Variants in RND3 observed in about 807,000 individuals in gnomAD.
The protein encoded by RND3 is rho-related GTP-binding protein RhoE.
RND3 carries 8 observed loss-of-function variants against 26.5 expected under a neutral mutation model. That is an observed-to-expected ratio of 0.30 (90% CI 0.18 to 0.54). RND3 has a LOEUF of 0.54. Among genes scored for constraint, RND3 ranks in the 20% least tolerant of loss-of-function variants. The probability of loss-of-function intolerance (pLI) is 0.94; values close to 1 mark genes in which losing one functional copy is unlikely to be tolerated. For synonymous variants in RND3, 113 were observed against 113.0 expected, an observed-to-expected ratio of 1.00 and a Z score of 0.00; for missense variants, 207 against 302.8, an observed-to-expected ratio of 0.68 and a Z score of 2.35.
rs1299290060 is a variant in RND3, at chr2:150,469,897, T to C, written c.*90A>G. 2.0e-6 allele frequency: 3 copies of C among 1,468,562 alleles called. No individual in the cohort carries two copies. Among genetic ancestry groups the C allele is most frequent in the East Asian group, 4.6e-5 (2 of 43,506 alleles). 91.0% of individuals were successfully genotyped at this position (1,468,562 alleles called of 1,614,324 possible). ...CCTAAGCCTCTGGTATACATGACTT[T>C]GGCTGTGCACTTCATTTAGACTTCA... On this transcript the variant is annotated 3_prime_UTR_variant, in exon 6 of 6. Coordinates refer to ENST00000263895, the MANE Select transcript of RND3 (RefSeq NM_005168.5).
chr2:150,484,688 T>C (rs924647581), intron 3 of RND3, among the ~76,000 whole-genome samples: 4 of 152,098 alleles, frequency 2.6e-5, no homozygotes, highest in African/African-American at 9.7e-5. Flanking sequence ...AGCCAAGAAG[T>C]GTACAGCTGG....
chr2:150,478,385 G>A (rs758417389), intron 3 of RND3, among the ~76,000 whole-genome samples: 12 of 151,504 alleles, frequency 7.9e-5, no homozygotes, highest in East Asian at 5.8e-4. Context: ...ACAGGTATGC[G>A]TGAGACAACG....
Position 150,486,667 on chromosome 2 carries a change from A to T in RND3, c.238+27T>A, listed in dbSNP as rs748407491. ...CCCCAGCGACTGGAAACCCGCCCCA[A>T]GCGCCACGCGGTCCTCCCACTCTTA... On this transcript the variant is annotated intron_variant, in intron 3 of 5. Coordinates refer to ENST00000263895, the MANE Select transcript of RND3 (RefSeq NM_005168.5). The surrounding 1 kb of genome is among the most constrained non-coding windows in gnomAD (Gnocchi z 4.5). The T allele has an allele frequency of 6.5e-7, 1 of 1,531,346 alleles. No individual in the cohort carries two copies. Among genetic ancestry groups the T allele is most frequent in the Non-Finnish European group, 9.1e-7 (1 of 1,104,550 alleles). The allele number at this position is 1,531,346 out of a possible 1,614,324, so 94.9% of individuals were successfully genotyped here.
At chr2:150,476,431 G>C (rs1262075818) in intron 3 of RND3, among the ~76,000 whole-genome samples, 1 of 152,200 alleles carries the variant, frequency 6.6e-6, no homozygotes, top group East Asian at 1.9e-4. Flanking sequence ...TGGAACCCCA[G>C]GCAACAGTGC....
chr2:150,479,773 T>C (rs1354249578), intron 3 of RND3, among the ~76,000 whole-genome samples: 1 of 152,224 alleles, frequency 6.6e-6, no homozygotes, highest in East Asian at 1.9e-4. Flanking sequence ...TGTATCTGAC[T>C]CAGTGTAAGA....
At chr2:150,483,768 A>T (rs754174277) in intron 3 of RND3, among the ~76,000 whole-genome samples, 37 of 152,256 alleles carry the variant, frequency 2.4e-4, no homozygotes, top group Non-Finnish European at 4.8e-4. Flanking sequence ...GGCTATTCTT[A>T]GAATTTAAGT....
intron 2 of RND3, chr2:150,487,048 A>C: frequency 1.7e-6 from 1 of 604,728 alleles, no homozygotes; most frequent in Non-Finnish European, 2.9e-6. Flanking sequence ...TTCAGGAGCT[A>C]ACCAGCCCAT....
At chr2:150,476,848 G>A (rs1057487955) in intron 3 of RND3, among the ~76,000 whole-genome samples, 1 of 152,166 alleles carries the variant, frequency 6.6e-6, no homozygotes, top group Non-Finnish European at 1.5e-5. Context: ...AAACGAGATG[G>A]TTGAACACTA....
rs1339173518 is a variant in RND3 at position 150,486,767 on chromosome 2, T to C, written c.165A>G (p.Thr55=). 1.2e-6 allele frequency: 2 copies of C among 1,612,508 alleles called. No homozygotes were observed. Among genetic ancestry groups the C allele is most frequent in the Admixed American group, 1.7e-5 (1 of 60,022 alleles). ...KDCFPENYVP[T]VFENYTASFE... is the part of the protein sequence containing the mutation. ...AACTGGCCGTGTAATTCTCAAACAC[T>C]GTAGGAACGTAATTCTGGATAGACA... The change falls in exon 3 of 6, where the codon ACA becomes ACG. Residue 55 remains threonine (T), a synonymous_variant. Coordinates refer to ENST00000263895, the MANE Select transcript of RND3 (RefSeq NM_005168.5). This position sits in a 1 kb window ranked among gnomAD's most constrained non-coding sequence, Gnocchi z 4.5.
chr2:150,476,455 G>GCT (rs1338945986), intron 3 of RND3, among the ~76,000 whole-genome samples: 11 of 152,202 alleles, frequency 7.2e-5, no homozygotes, highest in African/African-American at 2.7e-4. Flanking sequence ...TTTTTCTCTA[G>GCT]CTCCTTTACG....
chr2:150,475,614 T>C (rs1285648362), intron 3 of RND3, among the ~76,000 whole-genome samples: 1 of 152,034 alleles, frequency 6.6e-6, no homozygotes, highest in Non-Finnish European at 1.5e-5. Flanking sequence ...AGAGGAAGGG[T>C]TCAACTATGC....
At chr2:150,475,933 T>G (rs1253056823) in intron 3 of RND3, among the ~76,000 whole-genome samples, 5 of 152,224 alleles carry the variant, frequency 3.3e-5, no homozygotes, top group Non-Finnish European at 7.3e-5. Flanking sequence ...GTTTCTTCTA[T>G]TTCTTTAAGA....
intron 3 of RND3, among the ~76,000 whole-genome samples, chr2:150,478,458 A>G (rs1331895577): frequency 3.3e-5 from 5 of 151,768 alleles, no homozygotes; most frequent in Non-Finnish European, 7.4e-5. Context: ...AGCAATAAAG[A>G]GGGGCAGAAA....
At position 150,472,084 on chromosome 2, in the gene RND3, A is replaced by G. The variant is rs75653774; in HGVS notation, c.349-323T>C. 210 of 266,864 alleles carry G rather than the reference A, an allele frequency of 7.9e-4. 1 individual carries two copies. The East Asian group carries it at 9.9e-3, about 13-fold the overall frequency. 16.5% of individuals were successfully genotyped at this position (266,864 alleles called of 1,614,324 possible). A position where few individuals can be genotyped will look rare whatever the true frequency, so the allele number is the denominator to read the frequency against. Reference sequence around the variant, plus strand: ...TGTCTTAATTATTGGTGTGTCTCTTAAAGATAAATGTGTCTTAAGAATAAT... The same window carrying G: ...TGTCTTAATTATTGGTGTGTCTCTTGAAGATAAATGTGTCTTAAGAATAAT... On this transcript the variant is annotated intron_variant, in intron 4 of 5. Coordinates refer to ENST00000263895, the MANE Select transcript of RND3 (RefSeq NM_005168.5).
At chr2:150,485,471 C>T (rs964675866) in intron 3 of RND3, 2 of 152,424 alleles carry the variant, frequency 1.3e-5, no homozygotes, top group Admixed American at 6.5e-5. Context: ...CCCCGCCTAA[C>T]AGCAAACCTG....
At chr2:150,485,683 T>C (rs1014851464) in intron 3 of RND3, among the ~76,000 whole-genome samples, 1 of 152,052 alleles carries the variant, frequency 6.6e-6, no homozygotes. Flanking sequence ...GGCGGGTGCC[T>C]ATGTCCCAGC....
Position 150,487,474 on chromosome 2 carries a change from AATAT to A in RND3, c.-38-23_-38-20del, listed in dbSNP as rs1209384148. 6.7e-5 allele frequency: 13 copies of A among 195,408 alleles called. No homozygotes were observed. The highest frequency in any genetic ancestry group is 1.5e-4 in the South Asian group (1 of 6,610). The allele number at this position is 195,408 out of a possible 1,614,324, so 12.1% of individuals were successfully genotyped here. A position where few individuals can be genotyped will look rare whatever the true frequency, so the allele number is the denominator to read the frequency against. Reference sequence around the variant, plus strand: ...ATTTTCTCTTAAGAAGAAAAAAAAAAATATATATATATATATATATTTCTCTCTT... The same window carrying A: ...ATTTTCTCTTAAGAAGAAAAAAAAAAATATATATATATATATTTCTCTCTT... On this transcript the variant is annotated intron_variant, in intron 1 of 5. Coordinates refer to ENST00000263895, the MANE Select transcript of RND3 (RefSeq NM_005168.5).
At chr2:150,482,378 A>C (rs912663127) in intron 3 of RND3, among the ~76,000 whole-genome samples, 7 of 152,170 alleles carry the variant, frequency 4.6e-5, no homozygotes, top group African/African-American at 1.7e-4. Context: ...ATGCTTGGCA[A>C]ATGTGGCCAA....
intron 3 of RND3, among the ~76,000 whole-genome samples, chr2:150,485,923 T>C (rs1183652931): frequency 6.6e-6 from 1 of 151,040 alleles, no homozygotes; most frequent in South Asian, 2.1e-4. Flanking sequence ...GACTGGAAGG[T>C]CAAAGGCGAA....
Sources: gnomAD v4.1 joint callset for allele counts (sites outside exome capture counted in the v4.1 genomes callset) on GRCh38, gnomAD v4.1.1 for gene constraint, Gnocchi (gnomAD v3.1) non-coding constraint, MANE v1.5 for transcripts, NCBI Gene and HGNC (gene_info 2026-07-23, HGNC 2026-07-21) for gene names.